DNASE1: variants seen among roughly 807,000 people sequenced by gnomAD.
The protein encoded by DNASE1 is deoxyribonuclease-1.
DNASE1 carries 40 observed loss-of-function variants against 33.9 expected under a neutral mutation model. The observed-to-expected ratio is 1.18, with a 90% CI of 0.92 to 1.54. DNASE1 has a LOEUF of 1.54. Among genes scored for constraint, DNASE1 ranks in the 40% most tolerant of loss-of-function variants. DNASE1 has a pLI of 0.00. For missense variants in DNASE1, 518 were observed against 372.6 expected (o/e 1.39, Z -3.21); for synonymous variants, 216 against 160.0 (o/e 1.35, Z -2.64).
intron 1 of DNASE1, among the ~76,000 whole-genome samples, chr16:3,623,622 G>GA (rs1224587859): frequency 7.3e-5 from 11 of 151,176 alleles, no homozygotes; most frequent in South Asian, 2.1e-4. Flanking sequence ...ATCTCAACAA[G>GA]AAAAAAAAAC....
intron 1 of DNASE1, among the ~76,000 whole-genome samples, chr16:3,612,539 C>G (rs2040925783): frequency 6.8e-6 from 1 of 148,062 alleles, no homozygotes; most frequent in South Asian, 2.2e-4. Context: ...GCGTGAGCCA[C>G]CGCTCACGGC....
upstream of DNASE1, chr16:3,653,082 A>C (rs1412874072): frequency 6.6e-6 from 1 of 152,264 alleles, no homozygotes; most frequent in Non-Finnish European, 1.5e-5. Flanking sequence ...AGATGTGAGT[A>C]AAGGCTGTTG....
Position 3,656,648 on chromosome 16 carries a change from G to C in DNASE1, c.331G>C (p.Val111Leu), listed in dbSNP as rs143058517. 1.2e-6 allele frequency: 2 copies of C among 1,611,668 alleles called. No individual in the cohort carries two copies. The highest frequency in any genetic ancestry group is 1.3e-5 in the African/African-American group (1 of 74,984). The change falls in exon 5 of 9, where the codon GTG becomes CTG. Residue 111 changes from valine to leucine, a missense_variant. By Grantham distance (32) the Val-to-Leu change is conservative. Transcript: ENST00000246949. ...RYLFVYRPDQ[V>L]SAVDSYYYDD... ...CCGGCCTTCCCGCAGGCCTGACCAG[G>C]TGTCTGCGGTGGACAGCTACTACTA... is the stretch of plus-strand genomic sequence containing the variant.
At chr16:3,660,175 C>T (rs971536754), downstream of DNASE1, 13 of 152,176 alleles carry the variant, frequency 8.5e-5, no homozygotes, top group African/African-American at 3.1e-4. Context: ...AGCAAGTTCC[C>T]CCTTGGAAGC....
At chr16:3,639,042 T>C (rs982326542), upstream of DNASE1, among the ~76,000 whole-genome samples, 1 of 152,366 alleles carries the variant, frequency 6.6e-6, no homozygotes, top group South Asian at 2.1e-4. Context: ...TGCTAGTTCC[T>C]TTATCTCTGT....
At chr16:3,663,263 C>G in exon 10 of DNASE1, 1 of 914,424 alleles carries the variant, frequency 1.1e-6, no homozygotes, top group Non-Finnish European at 1.6e-6. Flanking sequence ...AACCAGGAGG[C>G]ACCTTCCTCC....
Position 3,655,383 on chromosome 16 carries a change from A to G in DNASE1, c.10A>G (p.Met4Val). 6.2e-7 allele frequency: 1 copy of G among 1,614,150 alleles called. No homozygotes were observed. Among genetic ancestry groups the G allele is most frequent in the Non-Finnish European group, 8.5e-7 (1 of 1,180,028 alleles). ...CCTGTGCTCTCCCAGGATGAGGGGC[A>G]TGAAGCTGCTGGGGGCGCTGCTGGC... MRG[M>V]KLLGALLALA... The change falls in exon 2 of 9, where the codon ATG becomes GTG. Residue 4 changes from methionine (M) to valine (V), a missense_variant. Physicochemically the swap from Met to Val is conservative, Grantham distance 21. Coordinates refer to ENST00000246949, the MANE Select transcript of DNASE1 (RefSeq NM_005223.4).
rs1469871671 is a variant in DNASE1, at chr16:3,663,558, A to G, written c.*5605A>G. 4 of 1,613,746 alleles carry G rather than the reference A, an allele frequency of 2.5e-6. No individual in the cohort carries two copies. The highest frequency in any genetic ancestry group is 1.7e-5 in the Admixed American group (1 of 60,012). ...CTCATCAAACTGCTCAAAGCAGAAG[A>G]GAACCTGCAGGTGGCCAAGAGCAGC... On this transcript the variant is annotated 3_prime_UTR_variant, in exon 10 of 10. Transcript: ENST00000407479.
exon 10 of DNASE1, chr16:3,663,373 C>T (rs1297732696): frequency 5.0e-6 from 8 of 1,609,498 alleles, no homozygotes; most frequent in Admixed American, 3.3e-5. Context: ...GCAGGAGAGG[C>T]GTGCGGGGAG....
exon 10 of DNASE1, chr16:3,664,275 T>C: frequency 6.4e-7 from 1 of 1,568,788 alleles, no homozygotes; most frequent in Non-Finnish European, 8.7e-7. Context: ...CTCACCCACC[T>C]CTGTGTCTTT....
At chr16:3,659,774 TA>T (rs1292196158), downstream of DNASE1, 46 of 149,034 alleles carry the variant, frequency 3.1e-4, no homozygotes, top group Non-Finnish European at 5.9e-4. Context: ...GATAGATAGA[TA>T]GATAGACTCT....
At chr16:3,654,279 G>C, upstream of DNASE1, 1 of 398,066 alleles carries the variant, frequency 2.5e-6, no homozygotes, top group Non-Finnish European at 4.4e-6. Flanking sequence ...CTGGCAATTG[G>C]GGTGGGCTTT....
At chr16:3,662,615 G>A, downstream of DNASE1, 1 of 654,164 alleles carries the variant, frequency 1.5e-6, no homozygotes, top group Non-Finnish European at 2.8e-6. Flanking sequence ...CTCAGCCATT[G>A]CAGCTCCCAC....
At chr16:3,648,930 CTT>C (rs2042250688) in intron 1 of DNASE1, among the ~76,000 whole-genome samples, 2 of 152,226 alleles carry the variant, frequency 1.3e-5, no homozygotes, top group Admixed American at 1.3e-4. Flanking sequence ...TTCTGCCTCT[CTT>C]CTTCTTTTCA....
At chr16:3,661,750 C>T, downstream of DNASE1, 1 of 425,448 alleles carries the variant, frequency 2.4e-6, no homozygotes, top group Non-Finnish European at 4.1e-6. Context: ...AAAACGAGGA[C>T]ATGGTCACAG....
exon 10 of DNASE1, chr16:3,664,252 G>GC (rs1958094809): frequency 6.9e-7 from 1 of 1,456,298 alleles, no homozygotes; most frequent in African/African-American, 1.4e-5. Context: ...CCCGGAGCCC[G>GC]CCCCACCCAC....
At chr16:3,632,989 C>T (rs903857885) in intron 1 of DNASE1, among the ~76,000 whole-genome samples, 3 of 152,030 alleles carry the variant, frequency 2.0e-5, no homozygotes, top group African/African-American at 7.2e-5. Context: ...TGACAAATTC[C>T]CTTAATTTTT....
downstream of DNASE1, chr16:3,662,116 T>C (rs751629562): frequency 5.0e-6 from 8 of 1,612,524 alleles, no homozygotes; most frequent in South Asian, 8.8e-5. Context: ...AGGGTGGGTG[T>C]CCAGTCGGAG....
intron 1 of DNASE1, among the ~76,000 whole-genome samples, chr16:3,619,635 A>G (rs1457498027): frequency 6.6e-6 from 1 of 152,130 alleles, no homozygotes; most frequent in Admixed American, 6.5e-5. Flanking sequence ...TGCTGGGATT[A>G]CAGGCATGAG....
Sources: allele counts gnomAD v4.1 joint callset (sites outside exome capture counted in the v4.1 genomes callset), GRCh38; gene constraint gnomAD v4.1.1; transcripts MANE v1.5; gene names NCBI Gene and HGNC (gene_info 2026-07-23, HGNC 2026-07-21).